MUTYH: variants seen among roughly 807,000 people sequenced by gnomAD.
MUTYH encodes adenine DNA glycosylase.
MUTYH carries 64 observed loss-of-function variants against 72.9 expected under a neutral mutation model. The observed-to-expected ratio is 0.88, with a 90% confidence interval of 0.72 to 1.08. The LOEUF (loss-of-function observed/expected upper bound fraction) is 1.08, where lower values mean the gene tolerates loss of function less well. Among genes scored for constraint, MUTYH ranks in the 50% least tolerant of loss-of-function variants. The pLI is 0.00. For missense variants in MUTYH, 633 were observed against 671.0 expected, an observed-to-expected ratio of 0.94 and a Z score of 0.63; for synonymous variants, 234 against 263.1, an observed-to-expected ratio of 0.89 and a Z score of 1.07.
chr1:45,338,185 C>G, intron 1 of MUTYH: 1 of 522,790 alleles, frequency 1.9e-6, no homozygotes, highest in South Asian at 1.5e-5. Flanking sequence ...TCACAAAGTA[C>G]CTTATAGGCC....
rs200495564 is a variant in MUTYH at position 45,332,446 on chromosome 1, G to A, written c.649C>T (p.Arg217Cys). The A allele has an allele frequency of 2.2e-5, 36 of 1,614,090 alleles. No homozygotes were observed. Among genetic ancestry groups the A allele is most frequent in the South Asian group, 1.1e-4 (10 of 91,080 alleles). The change falls in exon 9 of 16, where the codon CGT (arginine) becomes TGT (cysteine). Residue 217 changes from arginine to cysteine, a missense_variant. Arg to Cys is a radical substitution (Grantham distance 180). Transcript: ENST00000456914. ...GGATCAGCACCAATGGCTCGGACAC[G>A]GCACAGCACCCGTGCTACGTTGCCA... Reference protein sequence around the residue: ...VDGNVARVLCRVRAIGADPSS... With the variant: ...VDGNVARVLCCVRAIGADPSS...
intron 1 of MUTYH, 103 bp downstream of exon 1, chr1:45,339,796 C>A: frequency 7.8e-7 from 1 of 1,276,414 alleles, no homozygotes; most frequent in South Asian, 1.2e-5. Context: ...CTTTCCCCCA[C>A]ACGACCCTCT....
At chr1:45,333,787 C>T (rs1645429600) in intron 2 of MUTYH, among the ~76,000 whole-genome samples, 2 of 152,236 alleles carry the variant, frequency 1.3e-5, no homozygotes, top group Non-Finnish European at 2.9e-5. Flanking sequence ...GTCTCTGAGC[C>T]ATAATGAAAA....
Position 45,332,592 on chromosome 1 carries a change from G to A in MUTYH, c.588C>T (p.Ala196=), listed in dbSNP as rs1570414739. 1 of 1,614,162 alleles carries A rather than the reference G, an allele frequency of 6.2e-7. No homozygotes were observed. The highest frequency in any genetic ancestry group is 8.5e-7 in the Non-Finnish European group (1 of 1,180,026). The change falls in exon 8 of 16, where the codon GCC becomes GCT. Residue 196 remains alanine, a synonymous_variant. Coordinates refer to ENST00000456914, the MANE Select transcript of MUTYH (RefSeq NM_001048174.2). The stretch of plus-strand genomic sequence containing the variant: ...AGATCACCTGGCCAAAGGCGATAGA[G>A]GCAATGGCCCCAGCTGTGTAGCGCC... The part of the protein sequence containing the change: ...GVGRYTAGAI[A]SIAFGQATGV...
In MUTYH at chr1:45,331,876, C is replaced by T. The variant is rs188830619; in HGVS notation, c.914-27G>A. ...TGGGAACGGAGATCCCCGAACCCTA[C>T]TCAAGCCAAGAGGGCTTTAGGGGCC... On this transcript the variant is annotated intron_variant, in intron 11 of 15. Transcript: ENST00000456914. 1.8e-3 allele frequency: 2,822 copies of T among 1,602,248 alleles called. 3 individuals carry two copies. The highest frequency in any genetic ancestry group is 2.2e-3 in the Non-Finnish European group (2,626 of 1,174,330).
chr1:45,336,539 C>CA (rs1454659428), intron 1 of MUTYH, among the ~76,000 whole-genome samples: 1 of 152,158 alleles, frequency 6.6e-6, no homozygotes, highest in African/African-American at 2.4e-5. Flanking sequence ...ATCTCCCCCC[C>CA]ACCCTTAAGA....
At chr1:45,339,187 G>C (rs1195459852) in intron 1 of MUTYH, among the ~76,000 whole-genome samples, 1 of 151,104 alleles carries the variant, frequency 6.6e-6, no homozygotes, top group Non-Finnish European at 1.5e-5. Context: ...TTTACGGAGG[G>C]ACTAGTCTCC....
rs1553125351 is a variant in MUTYH, at chr1:45,331,340, G to A, written c.1240-6C>T. On this transcript the variant is annotated splice_region_variant and splice_polypyrimidine_tract_variant and intron_variant, in intron 13 of 15. Coordinates refer to ENST00000456914, the MANE Select transcript of MUTYH (RefSeq NM_001048174.2). The stretch of plus-strand genomic sequence containing the variant: ...TGAGAGAAGGTGTGGACAACCTGGA[G>A]GAAGGGTCAAGGGGTTCAAATAGGC... 6.2e-7 allele frequency: 1 copy of A among 1,614,216 alleles called. No individual in the cohort carries two copies.
intron 1 of MUTYH, among the ~76,000 whole-genome samples, chr1:45,335,998 T>C (rs1441647844): frequency 6.6e-6 from 1 of 152,174 alleles, no homozygotes; most frequent in Non-Finnish European, 1.5e-5. Flanking sequence ...ACTTGTTTTT[T>C]CTTCCCCTCC....
rs577542506 is a variant in MUTYH at position 45,331,450 on chromosome 1, G to A, written c.1209C>T (p.Leu403=). 3.7e-6 allele frequency: 6 copies of A among 1,614,254 alleles called. No individual in the cohort carries two copies. The South Asian group carries it at 4.4e-5, about 12-fold the overall frequency. ...CAAGGTGCCGGAGGTGCGTGGCTGG[G>A]AGGGGCCCAGCCCAACGCTGTAGTT... ...LQELQRWAGP[L]PATHLRHLGE... is the part of the protein sequence containing the mutation. Residue 403 remains leucine, a synonymous_variant, in exon 13 of 16, where the codon CTC becomes CTT. Transcript: ENST00000456914.
Position 45,332,232 on chromosome 1 carries a change from C to G in MUTYH, c.783G>C (p.Val261=). 1 of 1,614,178 alleles carries G rather than the reference C, an allele frequency of 6.2e-7. No individual in the cohort carries two copies. Among genetic ancestry groups the G allele is most frequent in the Non-Finnish European group, 8.5e-7 (1 of 1,180,004 alleles). ...TGCACAGTGGGCGCTGTGGGGTACACACTGTGGCCCCTAGCTCCATGGCTG... is the reference window on the plus strand; with the variant it reads ...TGCACAGTGGGCGCTGTGGGGTACAGACTGTGGCCCCTAGCTCCATGGCTG... ...NQAAMELGAT[V]CTPQRPLCSQ... The change falls in exon 10 of 16, where the codon GTG becomes GTC. Residue 261 remains valine (V), a synonymous_variant. Coordinates refer to ENST00000456914, the MANE Select transcript of MUTYH (RefSeq NM_001048174.2).
Position 45,331,033 on chromosome 1 carries a change from C to T in MUTYH, c.1392+149G>A, listed in dbSNP as rs546359716. The T allele has an allele frequency of 2.6e-4, 279 of 1,072,840 alleles. 1 individual carries two copies. Among genetic ancestry groups the T allele is most frequent in the Admixed American group, 4.0e-4 (20 of 50,050 alleles). The allele number at this position is 1,072,840 out of a possible 1,614,324, so 66.5% of individuals were successfully genotyped here. ...CCGGGAGATGGAGGTTGCAGTCAACCGAGATAGCGCCATTGCACTCCAGCC... is the reference window on the plus strand; with the variant it reads ...CCGGGAGATGGAGGTTGCAGTCAACTGAGATAGCGCCATTGCACTCCAGCC... On this transcript the variant is annotated intron_variant, in intron 14 of 15. Coordinates refer to ENST00000456914, the MANE Select transcript of MUTYH (RefSeq NM_001048174.2).
At chr1:45,330,399 C>T (rs1027578157) in intron 15 of MUTYH, 117 bp downstream of exon 15, 43 of 1,204,564 alleles carry the variant, frequency 3.6e-5, no homozygotes, top group Non-Finnish European at 5.0e-5. Flanking sequence ...AACTATTCCT[C>T]CCTCCAGTGA....
At chr1:45,337,195 G>A (rs1646022224) in intron 1 of MUTYH, among the ~76,000 whole-genome samples, 1 of 150,220 alleles carries the variant, frequency 6.7e-6, no homozygotes. Flanking sequence ...CCAGGCTGGA[G>A]TGCAGTGGTG....
chr1:45,332,656 C>G lies in MUTYH; in HGVS notation c.524G>C (p.Arg175Pro), dbSNP rs538383136. 16 of 1,614,106 alleles carry G rather than the reference C, an allele frequency of 9.9e-6. No individual in the cohort carries two copies. In the East Asian group the frequency reaches 1.3e-4, roughly 13 times the overall value. ...VVEELGGHMP[R>P]TAETLQQLLP... ...GAGCTGCTGCAGGGTCTCTGCTGTA[C>G]GTGGCATGTGGCCCCCTAGCTCCTC... The change falls in exon 8 of 16, where the codon CGT becomes CCT. Residue 175 changes from arginine to proline, a missense_variant. Coordinates refer to ENST00000456914, the MANE Select transcript of MUTYH (RefSeq NM_001048174.2).
rs3219496 is a variant in MUTYH at position 45,329,371 on chromosome 1, G to T, written c.1501C>A (p.Leu501Met). The T allele has an allele frequency of 8.1e-4, 1,304 of 1,614,220 alleles. 20 individuals carry two copies. The Admixed American group carries it at 0.02, about 25-fold the overall frequency. The change falls in exon 16 of 16, where the codon CTG becomes ATG. Residue 501 changes from leucine (L) to methionine (M), a missense_variant. Coordinates refer to ENST00000456914, the MANE Select transcript of MUTYH (RefSeq NM_001048174.2). ...ATGTGAGACCGAAAGAAATTATCCAGGACTTGCTGGCCCATGCGGGGCTTT... is the reference window on the plus strand; with the variant it reads ...ATGTGAGACCGAAAGAAATTATCCATGACTTGCTGGCCCATGCGGGGCTTT... Reference protein sequence around the residue: ...RKKPRMGQQVLDNFFRSHIST... With the variant: ...RKKPRMGQQVMDNFFRSHIST...
Position 45,330,496 on chromosome 1 carries a change from G to A in MUTYH, c.1434+20C>T. On this transcript the variant is annotated intron_variant, in intron 15 of 15. Coordinates refer to ENST00000456914, the MANE Select transcript of MUTYH (RefSeq NM_001048174.2). The stretch of plus-strand genomic sequence containing the variant: ...CTCAGGCCTGGGGAGACACGGTTGG[G>A]AGAGGCCTAGGAGACTTACCATACA... The A allele has an allele frequency of 6.2e-7, 1 of 1,605,988 alleles. No homozygotes were observed. The highest frequency in any genetic ancestry group is 1.1e-5 in the South Asian group (1 of 89,452).
upstream of MUTYH, chr1:45,340,401 G>A (rs992028783): frequency 3.2e-6 from 5 of 1,541,596 alleles, no homozygotes; most frequent in Admixed American, 3.9e-5. Context: ...AAGCTTCAGA[G>A]GACTGCTCCT....
chr1:45,332,975 G>A lies in MUTYH; in HGVS notation c.379-16C>T. 2 of 1,614,102 alleles carry A rather than the reference G, an allele frequency of 1.2e-6. No homozygotes were observed. The highest frequency in any genetic ancestry group is 1.7e-6 in the Non-Finnish European group (2 of 1,180,014). ...TAGGCCACTTCTATAGCCACAGGCA[G>A]GCAGAAAGAGACAAGGTCAAGGGTG... On this transcript the variant is annotated splice_polypyrimidine_tract_variant and intron_variant, in intron 5 of 15. Transcript: ENST00000456914.
Sources: allele counts gnomAD v4.1 joint callset (sites outside exome capture counted in the v4.1 genomes callset), GRCh38; gene constraint gnomAD v4.1.1; transcripts MANE v1.5; gene names NCBI Gene and HGNC (gene_info 2026-07-23, HGNC 2026-07-21).